The following WDR72 variants were observed in gnomAD, a reference collection of about 807,000 sequenced individuals.
WDR72 encodes WD repeat-containing protein 72.
In WDR72, 120 loss-of-function variants were observed where a neutral mutation model predicts 124.2. The ratio of observed to expected loss-of-function variants is 0.97; its 90% CI spans 0.83 to 1.12. The LOEUF (loss-of-function observed/expected upper bound fraction) is 1.12, where lower values mean the gene tolerates loss of function less well. WDR72 is among the 50% of genes most tolerant of loss of function. The probability of loss-of-function intolerance (pLI) is 0.00; values close to 1 mark genes in which losing one functional copy is unlikely to be tolerated. For synonymous variants in WDR72, 452 were observed against 441.7 expected, an observed-to-expected ratio of 1.02 and a Z score of -0.29; for missense variants, 1,387 against 1,278.8, an observed-to-expected ratio of 1.08 and a Z score of -1.29.
intron 13 of WDR72, among the ~76,000 whole-genome samples, chr15:53,668,195 T>G (rs16966442): frequency 6.6e-6 from 1 of 152,212 alleles, no homozygotes. Context: ...CTCGGTTTTG[T>G]GTACAAGGGT....
intron 19 of WDR72, among the ~76,000 whole-genome samples, chr15:53,520,525 A>AATGCAAT (rs1439144775): frequency 3.9e-5 from 6 of 152,042 alleles, no homozygotes; most frequent in African/African-American, 1.2e-4. Flanking sequence ...GGAATACACT[A>AATGCAAT]ATGCAATTGT....
At chr15:53,536,871 A>G (rs1406668643) in intron 18 of WDR72, among the ~76,000 whole-genome samples, 2 of 152,190 alleles carry the variant, frequency 1.3e-5, no homozygotes, top group East Asian at 1.9e-4. Context: ...GAGCCTTGAC[A>G]TGATCCTGTT....
intron 11 of WDR72, among the ~76,000 whole-genome samples, chr15:53,704,719 A>G (rs1436377056): frequency 7.1e-6 from 1 of 140,914 alleles, no homozygotes; most frequent in Admixed American, 7.3e-5. Flanking sequence ...TTTTTAGTAG[A>G]AATGGGGTTT....
At chr15:53,557,972 T>C (rs1595759394) in intron 18 of WDR72, among the ~76,000 whole-genome samples, 1 of 152,090 alleles carries the variant, frequency 6.6e-6, no homozygotes, top group East Asian at 1.9e-4. Context: ...ATGGTTATTG[T>C]AGTGAATAAT....
intron 18 of WDR72, among the ~76,000 whole-genome samples, chr15:53,554,179 T>C (rs193108281): frequency 1.3e-4 from 20 of 152,258 alleles, no homozygotes; most frequent in African/African-American, 4.8e-4. Flanking sequence ...CTGACTATGA[T>C]AGTCTTCTTC....
Position 53,613,666 on chromosome 15 carries a change from C to T in WDR72, c.2872G>A (p.Gly958Ser). ...ATATCTGTGCCAGTAACTCTCTTAC[C>T]ATTTCGTAAGCAACTGTAGAAGCTT... ...MSSFYSCLRN[G>S]KNESHVPEAD... The change falls in exon 16 of 20, where the codon GGT becomes AGT. Residue 958 changes from glycine to serine, a missense_variant and splice_region_variant. Coordinates refer to ENST00000360509, the MANE Select transcript of WDR72 (RefSeq NM_182758.4). 1 of 1,604,928 alleles carries T rather than the reference C, an allele frequency of 6.2e-7. No homozygotes were observed. The highest frequency in any genetic ancestry group is 1.7e-4 in the Middle Eastern group (1 of 6,028).
chr15:53,537,090 G>C (rs1276977344), intron 18 of WDR72, among the ~76,000 whole-genome samples: 1 of 152,112 alleles, frequency 6.6e-6, no homozygotes, highest in Non-Finnish European at 1.5e-5. Context: ...AAATCTAATA[G>C]ATTGCTGACT....
At chr15:53,588,497 T>C (rs1355367044) in intron 18 of WDR72, among the ~76,000 whole-genome samples, 2 of 152,032 alleles carry the variant, frequency 1.3e-5, no homozygotes, top group Admixed American at 1.3e-4. Context: ...ATTCAAATTG[T>C]TCCAAGGCTG....
chr15:53,724,826 G>T (rs987819656), intron 2 of WDR72, among the ~76,000 whole-genome samples: 1 of 151,990 alleles, frequency 6.6e-6, no homozygotes, highest in African/African-American at 2.4e-5. Context: ...GTTAATTACA[G>T]CTCATTAAAG....
intron 18 of WDR72, among the ~76,000 whole-genome samples, chr15:53,568,561 C>T (rs935054529): frequency 2.8e-4 from 43 of 151,996 alleles, no homozygotes; most frequent in Admixed American, 4.6e-4. Flanking sequence ...GCTTCTGTAA[C>T]GATCCCAACT....
intron 19 of WDR72, among the ~76,000 whole-genome samples, chr15:53,519,786 G>A (rs1316452674): frequency 1.3e-5 from 2 of 151,986 alleles, no homozygotes; most frequent in Non-Finnish European, 2.9e-5. Flanking sequence ...CTAGAGACCA[G>A]GTGAACAATC....
At chr15:53,608,807 C>G (rs141373985) in intron 17 of WDR72, among the ~76,000 whole-genome samples, 5,520 of 112,406 alleles carry the variant, frequency 0.049, 129 homozygotes, top group Non-Finnish European at 0.06. Flanking sequence ...AACAATTGAA[C>G]TCATGGACAT....
intron 12 of WDR72, among the ~76,000 whole-genome samples, chr15:53,701,207 T>A (rs2017163011): frequency 6.6e-6 from 1 of 152,146 alleles, no homozygotes; most frequent in African/African-American, 2.4e-5. Context: ...TTAAAGCTCA[T>A]TCTCTGTTAA....
chr15:53,560,755 A>G (rs2414242), intron 18 of WDR72, among the ~76,000 whole-genome samples: 26,027 of 151,654 alleles, frequency 0.17, 2,581 homozygotes, highest in Middle Eastern at 0.24. Flanking sequence ...CAATGGTATG[A>G]CCCTTGTCTT....
intron 1 of WDR72, among the ~76,000 whole-genome samples, chr15:53,756,192 T>C (rs2018899278): frequency 6.6e-6 from 1 of 152,158 alleles, no homozygotes; most frequent in Non-Finnish European, 1.5e-5. Context: ...GAGGATGGTT[T>C]CCCCCATGCT....
chr15:53,530,083 T>G (rs1892366874), intron 18 of WDR72, among the ~76,000 whole-genome samples: 1 of 137,552 alleles, frequency 7.3e-6, no homozygotes, highest in African/African-American at 2.9e-5. Context: ...AGCTGGTGAG[T>G]AGATGAGCAG....
chr15:53,615,987 T>G lies in WDR72; in HGVS notation c.2219A>C (p.Glu740Ala). The change falls in exon 15 of 20, where the codon GAG becomes GCG. Residue 740 changes from glutamate to alanine, a missense_variant. By Grantham distance (107) the Glu-to-Ala change is moderately radical. Coordinates refer to ENST00000360509, the MANE Select transcript of WDR72 (RefSeq NM_182758.4). ...SKTACGPLSA[E>A]ALAKPITESL... The stretch of plus-strand genomic sequence containing the variant: ...TTCAGTAATAGGCTTGGCTAGTGCC[T>G]CTGCTGAAAGAGGACCACAGGCAGT... 5 of 1,613,338 alleles carry G rather than the reference T, an allele frequency of 3.1e-6. No homozygotes were observed. The highest frequency in any genetic ancestry group is 4.2e-6 in the Non-Finnish European group (5 of 1,179,600).
At chr15:53,556,463 T>C (rs1293653067) in intron 18 of WDR72, among the ~76,000 whole-genome samples, 1 of 152,020 alleles carries the variant, frequency 6.6e-6, no homozygotes, top group Non-Finnish European at 1.5e-5. Flanking sequence ...ATCAGCAGGG[T>C]GACATTCAGC....
chr15:53,712,417 G>A (rs781630565), intron 7 of WDR72, among the ~76,000 whole-genome samples: 1 of 152,132 alleles, frequency 6.6e-6, no homozygotes, highest in Non-Finnish European at 1.5e-5. Flanking sequence ...CCAACATGGT[G>A]AAACCCGGTC....
Sources: gnomAD v4.1 joint callset for allele counts (sites outside exome capture counted in the v4.1 genomes callset) on GRCh38, gnomAD v4.1.1 for gene constraint, MANE v1.5 for transcripts, NCBI Gene and HGNC (gene_info 2026-07-23, HGNC 2026-07-21) for gene names.